The following TBC1D5 variants were observed in gnomAD, a reference collection of about 807,000 sequenced individuals.
TBC1D5 encodes TBC1 domain family, member 5.
In TBC1D5, 75 loss-of-function variants were observed where a neutral mutation model predicts 100.3. That is an observed-to-expected ratio of 0.75 (90% CI 0.62 to 0.91). The LOEUF is 0.91. Among genes scored for constraint, TBC1D5 ranks in the 40% least tolerant of loss-of-function variants. The probability of loss-of-function intolerance (pLI) is 0.00; values close to 1 mark genes in which losing one functional copy is unlikely to be tolerated. For missense variants in TBC1D5, 910 were observed against 942.4 expected (o/e 0.97, Z 0.45); for synonymous variants, 323 against 325.6 (o/e 0.99, Z 0.09).
chr3:17,477,378 C>T (rs1039159523), intron 3 of TBC1D5, among the ~76,000 whole-genome samples: 1 of 151,842 alleles, frequency 6.6e-6, no homozygotes, highest in Non-Finnish European at 1.5e-5. Context: ...AAGGTTATAC[C>T]AGTCACGTAA....
intron 3 of TBC1D5, among the ~76,000 whole-genome samples, chr3:17,507,174 AATTTG>A (rs1222660857): frequency 2.0e-5 from 3 of 152,230 alleles, no homozygotes; most frequent in Admixed American, 6.5e-5. Flanking sequence ...CTTGCAAAAT[AATTTG>A]ATTTATTTAA....
chr3:17,356,754 G>C (rs1281833205), intron 13 of TBC1D5, among the ~76,000 whole-genome samples: 1 of 152,150 alleles, frequency 6.6e-6, no homozygotes, highest in Non-Finnish European at 1.5e-5. Context: ...GTCAGAAAAT[G>C]GCTGGGATCA....
intron 1 of TBC1D5, among the ~76,000 whole-genome samples, chr3:17,687,500 G>A (rs1356246134): frequency 6.6e-6 from 1 of 152,030 alleles, no homozygotes; most frequent in African/African-American, 2.4e-5. Context: ...ATAACAAGGA[G>A]AGGGGGAAAA....
chr3:17,455,230 TTGTATACATATATTATTGTATATA>T (rs2095034290), intron 3 of TBC1D5, among the ~76,000 whole-genome samples: 3 of 129,908 alleles, frequency 2.3e-5, no homozygotes, highest in East Asian at 2.1e-4. Context: ...ATATTATATA[TTGTATACATATATTATTGTATATA>T]TGTATACATA....
In TBC1D5 at chr3:17,307,969, T is replaced by C. The variant is rs779421688; in HGVS notation, c.1138+23A>G. The C allele has an allele frequency of 2.6e-5, 41 of 1,590,594 alleles. No individual in the cohort carries two copies. In the East Asian group the frequency reaches 9.0e-4, roughly 35 times the overall value. On this transcript the variant is annotated intron_variant, in intron 14 of 21. Coordinates refer to ENST00000253692, the Ensembl canonical transcript of TBC1D5. ...AAAATCAGGAGTACCTAGTCAAATG[T>C]AGGAAAGGTCATTAATACTTACAAG...
intron 13 of TBC1D5, among the ~76,000 whole-genome samples, chr3:17,333,934 G>T (rs2087268030): frequency 1.8e-5 from 1 of 54,560 alleles, no homozygotes; most frequent in Non-Finnish European, 4.8e-5. Flanking sequence ...AGGGAGAATG[G>T]GCAAGGGTTT....
In TBC1D5 at chr3:17,404,298, G is replaced by A. The variant is rs145624558; in HGVS notation, c.441+396C>T. 4.9e-4 allele frequency among the ~76,000 whole-genome samples: 74 copies of A among 152,070 alleles called. No individual in the cohort carries two copies. The East Asian group carries it at 0.012, about 25-fold the overall frequency. On this transcript the variant is annotated intron_variant, in intron 7 of 21. Coordinates refer to ENST00000253692, the Ensembl canonical transcript of TBC1D5. ...AACTTCTTCATAGACTCACTACAAA[G>A]GGTTACTTCTTTCTTCCTGCGAGTT...
chr3:17,587,122 A>G (rs1576862864), intron 2 of TBC1D5, among the ~76,000 whole-genome samples: 1 of 152,030 alleles, frequency 6.6e-6, no homozygotes, highest in African/African-American at 2.4e-5. Context: ...GCCTTTTTCT[A>G]AAGAAAAATT....
chr3:17,502,070 A>G (rs189372440), intron 3 of TBC1D5, among the ~76,000 whole-genome samples: 1 of 149,610 alleles, frequency 6.7e-6, no homozygotes, highest in African/African-American at 2.5e-5. Context: ...CTATGATTAC[A>G]ACAGACAATA....
At chr3:17,555,182 T>C (rs765030611) in intron 2 of TBC1D5, among the ~76,000 whole-genome samples, 1 of 151,930 alleles carries the variant, frequency 6.6e-6, no homozygotes, top group East Asian at 1.9e-4. Flanking sequence ...AAGTTGACAA[T>C]GAATTTATTA....
chr3:17,521,861 G>A (rs186413897), intron 2 of TBC1D5, among the ~76,000 whole-genome samples: 2 of 152,116 alleles, frequency 1.3e-5, no homozygotes, highest in East Asian at 3.9e-4. Context: ...ATTAAATAAT[G>A]CAAAATGTGA....
At chr3:17,175,714 T>G (rs1398296015) in intron 19 of TBC1D5, among the ~76,000 whole-genome samples, 1 of 152,218 alleles carries the variant, frequency 6.6e-6, no homozygotes, top group Non-Finnish European at 1.5e-5. Flanking sequence ...ATTACATCAT[T>G]TAGTCAAGTA....
chr3:17,429,907 T>C (rs994111078), intron 3 of TBC1D5, among the ~76,000 whole-genome samples: 1 of 151,764 alleles, frequency 6.6e-6, no homozygotes, highest in African/African-American at 2.4e-5. Flanking sequence ...CAAAATATTG[T>C]TCCAGTTTAT....
At chr3:17,403,781 A>C (rs572044778) in intron 7 of TBC1D5, among the ~76,000 whole-genome samples, 1 of 152,258 alleles carries the variant, frequency 6.6e-6, no homozygotes, top group African/African-American at 2.4e-5. Flanking sequence ...CCTGTGAATA[A>C]TGAGAAACTA....
In TBC1D5 at chr3:17,429,710, T is replaced by C. The variant is rs114024127; in HGVS notation, c.98-1191A>G. On this transcript the variant is annotated intron_variant, in intron 3 of 21. Transcript: ENST00000253692. ...TTATATAATTATGCTACTCATTAAA[T>C]GGTGACTGAATGCTGAAATGTAATT... 6.1e-3 allele frequency among the ~76,000 whole-genome samples: 932 copies of C among 152,046 alleles called. 5 individuals carry two copies. The highest frequency in any genetic ancestry group is 0.017 in the Middle Eastern group (5 of 294).
intron 8 of TBC1D5, among the ~76,000 whole-genome samples, chr3:17,390,944 C>T (rs1361677044): frequency 2.0e-5 from 3 of 152,088 alleles, no homozygotes; most frequent in Non-Finnish European, 2.9e-5. Flanking sequence ...GATTTAATTT[C>T]CCAGCTTCCT....
chr3:17,527,142 A>G (rs1032464022), intron 2 of TBC1D5, among the ~76,000 whole-genome samples: 6 of 152,216 alleles, frequency 3.9e-5, no homozygotes, highest in Non-Finnish European at 8.8e-5. Context: ...GCAACAACAC[A>G]TGATATGAAG....
intron 1 of TBC1D5, among the ~76,000 whole-genome samples, chr3:17,666,567 T>C (rs2067275334): frequency 1.3e-5 from 2 of 152,176 alleles, no homozygotes; most frequent in South Asian, 2.1e-4. Flanking sequence ...TTTAGCAGTA[T>C]TTACCCTTCA....
chr3:17,221,363 C>A (rs1189661298), intron 17 of TBC1D5, among the ~76,000 whole-genome samples: 1 of 151,822 alleles, frequency 6.6e-6, no homozygotes, highest in Non-Finnish European at 1.5e-5. Context: ...TATACATGTG[C>A]CATGTTGGTG....
Sources: gnomAD v4.1 joint callset for allele counts (sites outside exome capture counted in the v4.1 genomes callset) on GRCh38, gnomAD v4.1.1 for gene constraint, MANE v1.5 for transcripts, NCBI Gene and HGNC (gene_info 2026-07-23, HGNC 2026-07-21) for gene names.